ATXN8OS: variants seen among roughly 807,000 people sequenced by gnomAD.
ATXN8OS encodes ATXN8 opposite strand (non-protein coding).
chr13:70,122,212 G>T (rs2137476336), intron 2 of ATXN8OS, among the ~76,000 whole-genome samples: 1 of 151,684 alleles, frequency 6.6e-6, no homozygotes, highest in African/African-American at 2.4e-5. Context: ...AATTGTACCT[G>T]GGAAAACTCA....
intron 3 of ATXN8OS, chr13:70,139,272 G>C (rs565337232): frequency 2.1e-6 from 1 of 477,106 alleles, no homozygotes; most frequent in South Asian, 4.7e-5. Flanking sequence ...CTTCCACGGA[G>C]AGATTAACTC....
intron 4 of ATXN8OS, among the ~76,000 whole-genome samples, chr13:70,160,918 A>G (rs1889002210): frequency 6.7e-6 from 1 of 150,130 alleles, no homozygotes; most frequent in African/African-American, 2.4e-5. Flanking sequence ...TATAACACAT[A>G]GTGAAATAAT....
chr13:70,117,033 C>A (rs1313396215), intron 2 of ATXN8OS, among the ~76,000 whole-genome samples: 1 of 152,062 alleles, frequency 6.6e-6, no homozygotes, highest in Non-Finnish European at 1.5e-5. Context: ...TATATTCCTA[C>A]AAGATAAAGT....
chr13:70,155,193 C>T (rs779740769), intron 4 of ATXN8OS, among the ~76,000 whole-genome samples: 11 of 152,180 alleles, frequency 7.2e-5, no homozygotes, highest in Admixed American at 6.5e-4. Context: ...ATTGATGGGT[C>T]TTGCTCTCTA....
At chr13:70,153,052 G>A (rs1888892214) in intron 4 of ATXN8OS, among the ~76,000 whole-genome samples, 2 of 149,234 alleles carry the variant, frequency 1.3e-5, no homozygotes, top group South Asian at 4.2e-4. Context: ...GTGTGTGTGT[G>A]TGTAGACTGT....
At chr13:70,162,265 C>T (rs946100187) in intron 4 of ATXN8OS, among the ~76,000 whole-genome samples, 1 of 151,972 alleles carries the variant, frequency 6.6e-6, no homozygotes, top group Admixed American at 6.6e-5. Context: ...AAACAGACAA[C>T]GTATAGGAAA....
chr13:70,148,921 G>C (rs1270519634), intron 4 of ATXN8OS, among the ~76,000 whole-genome samples: 1 of 151,968 alleles, frequency 6.6e-6, no homozygotes. Context: ...AATGCAAGTT[G>C]GAATAACATT....
chr13:70,123,244 T>C (rs923180366), intron 2 of ATXN8OS, among the ~76,000 whole-genome samples: 1 of 152,080 alleles, frequency 6.6e-6, no homozygotes, highest in African/African-American at 2.4e-5. Flanking sequence ...TTGTAACTAA[T>C]TGAAGTTGAT....
intron 4 of ATXN8OS, among the ~76,000 whole-genome samples, chr13:70,152,909 A>G (rs1470366425): frequency 6.6e-6 from 1 of 152,130 alleles, no homozygotes; most frequent in East Asian, 1.9e-4. Flanking sequence ...CAAACAAAGA[A>G]AAGGGAAAAC....
At chr13:70,164,706 AT>A (rs1255082462) in intron 4 of ATXN8OS, among the ~76,000 whole-genome samples, 4 of 152,014 alleles carry the variant, frequency 2.6e-5, no homozygotes, top group African/African-American at 9.7e-5. Flanking sequence ...AAGATTGGGA[AT>A]GAAAAATTGG....
At chr13:70,121,080 A>G (rs985261980) in intron 2 of ATXN8OS, among the ~76,000 whole-genome samples, 2 of 111,696 alleles carry the variant, frequency 1.8e-5, no homozygotes, top group African/African-American at 2.9e-5. Flanking sequence ...ATAAAAAAAA[A>G]AGAGAGAAGC....
chr13:70,130,373 G>A (rs762100944), intron 3 of ATXN8OS, among the ~76,000 whole-genome samples: 7 of 152,078 alleles, frequency 4.6e-5, no homozygotes, highest in African/African-American at 1.4e-4. Flanking sequence ...TTAAATTCAC[G>A]TTTTGTAGAA....
chr13:70,111,887 G>C (rs894470645), intron 1 of ATXN8OS, among the ~76,000 whole-genome samples: 2 of 152,058 alleles, frequency 1.3e-5, no homozygotes, highest in Admixed American at 1.3e-4. Context: ...CTGTGATTTT[G>C]TCTTTGATTA....
rs1478469208 is a variant in ATXN8OS at position 70,134,175 on chromosome 13, AC to A, written n.499+4293del. 7.2e-5 allele frequency among the ~76,000 whole-genome samples: 11 copies of A among 152,330 alleles called. No homozygotes were observed. The East Asian group carries it at 2.1e-3, about 29-fold the overall frequency. Reference sequence around the variant, plus strand: ...ATGGACCAACAGGTAAATAACAGGTACCTGTAGGCCATCCGTATTGTCAAAC... The same window carrying A: ...ATGGACCAACAGGTAAATAACAGGTACTGTAGGCCATCCGTATTGTCAAAC... On this transcript the variant is annotated intron_variant and non_coding_transcript_variant, in intron 3 of 4. Transcript: ENST00000678624.
chr13:70,125,464 A>G (rs1042270795), intron 2 of ATXN8OS, among the ~76,000 whole-genome samples: 3 of 152,174 alleles, frequency 2.0e-5, no homozygotes, highest in Non-Finnish European at 4.4e-5. Context: ...ATTTCATAAC[A>G]TCATCAAGTA....
At chr13:70,109,664 A>G (rs1020611758) in intron 1 of ATXN8OS, among the ~76,000 whole-genome samples, 1 of 152,128 alleles carries the variant, frequency 6.6e-6, no homozygotes, top group African/African-American at 2.4e-5. Flanking sequence ...TTGTGCCTTG[A>G]TTTTTCTCTC....
At chr13:70,158,310 T>C (rs71429635) in intron 4 of ATXN8OS, among the ~76,000 whole-genome samples, 5,072 of 152,100 alleles carry the variant, frequency 0.033, 159 homozygotes, top group Admixed American at 0.079. Context: ...CTCAGCTACT[T>C]GGGAGGCTGA....
intron 2 of ATXN8OS, among the ~76,000 whole-genome samples, chr13:70,116,764 A>G (rs950205512): frequency 3.3e-5 from 5 of 152,146 alleles, no homozygotes; most frequent in Non-Finnish European, 5.9e-5. Flanking sequence ...AAAACAATGG[A>G]CAGACTATAG....
intron 4 of ATXN8OS, among the ~76,000 whole-genome samples, chr13:70,156,831 C>T (rs1352815665): frequency 6.6e-6 from 1 of 152,056 alleles, no homozygotes; most frequent in African/African-American, 2.4e-5. Flanking sequence ...CCAATAAGCT[C>T]TCTCTGCTTT....
Sources: allele counts gnomAD v4.1 joint callset (sites outside exome capture counted in the v4.1 genomes callset), GRCh38; gene constraint gnomAD v4.1.1; transcripts MANE v1.5; gene names NCBI Gene and HGNC (gene_info 2026-07-23, HGNC 2026-07-21).